ERC2: variants seen among roughly 807,000 people sequenced by gnomAD.
ERC2 encodes ELKS/RAB6-interacting/CAST family member 2, also known as ERC protein 2.
Under a neutral mutation model 114.8 loss-of-function variants are expected in ERC2, and 42 were observed. That is an observed-to-expected ratio of 0.37 (90% CI 0.29 to 0.47). The LOEUF is 0.47. ERC2 is among the 20% of genes least tolerant of loss of function. The pLI, the probability that ERC2 is intolerant of heterozygous loss-of-function variation, is 0.99. For synonymous variants in ERC2, 454 were observed against 425.5 expected (o/e 1.07, Z -0.82); for missense variants, 939 against 1,150.7 (o/e 0.82, Z 2.66).
chr3:56,216,691 AAG>A (rs968622197), intron 3 of ERC2, among the ~76,000 whole-genome samples: 19 of 152,326 alleles, frequency 1.2e-4, no homozygotes, highest in African/African-American at 4.6e-4. Flanking sequence ...ACAACAAAAA[AAG>A]AGAATTTTAG....
intron 13 of ERC2, among the ~76,000 whole-genome samples, chr3:55,944,459 G>GA (rs1277224322): frequency 6.6e-6 from 1 of 152,146 alleles, no homozygotes; most frequent in African/African-American, 2.4e-5. Flanking sequence ...AAATCCACAG[G>GA]AAAAAGCAGA....
At chr3:55,748,347 C>T (rs1451336882) in intron 14 of ERC2, among the ~76,000 whole-genome samples, 1 of 152,130 alleles carries the variant, frequency 6.6e-6, no homozygotes, top group Non-Finnish European at 1.5e-5. Flanking sequence ...ACTCATTCAC[C>T]ACATATTTAC....
intron 3 of ERC2, among the ~76,000 whole-genome samples, chr3:56,194,820 A>G (rs1243080426): frequency 6.6e-6 from 1 of 152,174 alleles, no homozygotes; most frequent in Non-Finnish European, 1.5e-5. Context: ...GGCTTGAAAA[A>G]AACGTGAAAT....
intron 14 of ERC2, among the ~76,000 whole-genome samples, chr3:55,751,001 A>G (rs2066667691): frequency 6.6e-6 from 1 of 152,244 alleles, no homozygotes; most frequent in African/African-American, 2.4e-5. Flanking sequence ...TAGCTTAATT[A>G]GGTTAGCAAG....
At chr3:55,939,311 A>T (rs2066637200) in intron 13 of ERC2, among the ~76,000 whole-genome samples, 1 of 152,248 alleles carries the variant, frequency 6.6e-6, no homozygotes, top group Non-Finnish European at 1.5e-5. Context: ...AGTTATCATC[A>T]GTAAGAATTG....
intron 1 of ERC2, among the ~76,000 whole-genome samples, chr3:56,464,472 C>A (rs1229859560): frequency 6.6e-6 from 1 of 152,312 alleles, no homozygotes; most frequent in East Asian, 1.9e-4. Context: ...AACCTGAAGA[C>A]CCATGAGTGT....
chr3:55,511,386 AC>A (rs1262351641), intron 17 of ERC2, 110 bp from the exon 18 acceptor site: 3 of 152,096 alleles, frequency 2.0e-5, no homozygotes, highest in Non-Finnish European at 4.4e-5. Context: ...CCTCTCCACC[AC>A]TCTCAATGGT....
chr3:56,292,704 G>C (rs528429252), intron 3 of ERC2, among the ~76,000 whole-genome samples: 2 of 152,220 alleles, frequency 1.3e-5, no homozygotes, highest in East Asian at 3.9e-4. Context: ...TTAGCAGTGT[G>C]ACATTGGGTT....
chr3:55,531,897 G>A (rs2053690392), intron 17 of ERC2, among the ~76,000 whole-genome samples: 1 of 152,204 alleles, frequency 6.6e-6, no homozygotes, highest in South Asian at 2.1e-4. Context: ...CATCTCACTT[G>A]CTTGAATGAA....
intron 17 of ERC2, among the ~76,000 whole-genome samples, chr3:55,587,092 G>A (rs1263674722): frequency 2.6e-5 from 4 of 152,126 alleles, no homozygotes; most frequent in Non-Finnish European, 4.4e-5. Context: ...TTAAACAAAT[G>A]TTATCATACT....
chr3:56,058,999 G>A (rs969345070), intron 7 of ERC2, among the ~76,000 whole-genome samples: 2 of 152,156 alleles, frequency 1.3e-5, no homozygotes, highest in Non-Finnish European at 2.9e-5. Flanking sequence ...AAGGGTCAAT[G>A]AGGGGATCAT....
At chr3:56,448,980 C>A (rs2062708306) in intron 1 of ERC2, among the ~76,000 whole-genome samples, 1 of 148,366 alleles carries the variant, frequency 6.7e-6, no homozygotes, top group African/African-American at 2.5e-5. Flanking sequence ...GAGGCTGAGG[C>A]AGGAGAATGG....
intron 13 of ERC2, among the ~76,000 whole-genome samples, chr3:55,938,111 TAGAC>T (rs1220341858): frequency 7.3e-5 from 11 of 150,014 alleles, no homozygotes; most frequent in African/African-American, 2.3e-4. Flanking sequence ...GTCTGTCCAT[TAGAC>T]AGGGCATGAG....
chr3:56,378,322 T>C (rs6801010), intron 2 of ERC2, among the ~76,000 whole-genome samples: 42,336 of 137,330 alleles, frequency 0.31, 6,579 homozygotes, highest in African/African-American at 0.35. Flanking sequence ...ATTGCAAGAA[T>C]AAAAAACCAA....
At chr3:55,814,284 T>C (rs765024396) in intron 14 of ERC2, among the ~76,000 whole-genome samples, 7 of 152,198 alleles carry the variant, frequency 4.6e-5, no homozygotes, top group Non-Finnish European at 7.3e-5. Context: ...TTTTCTCCTT[T>C]TGATTTTCAT....
intron 3 of ERC2, among the ~76,000 whole-genome samples, chr3:56,282,273 A>G (rs1156497304): frequency 6.6e-6 from 1 of 152,238 alleles, no homozygotes; most frequent in African/African-American, 2.4e-5. Flanking sequence ...AAAACAATGC[A>G]GATGAAAAAA....
At chr3:56,096,053 G>A (rs1236611163) in intron 6 of ERC2, among the ~76,000 whole-genome samples, 1 of 152,034 alleles carries the variant, frequency 6.6e-6, no homozygotes, top group Non-Finnish European at 1.5e-5. Context: ...GGTAATAATA[G>A]TACAGATACT....
intron 3 of ERC2, among the ~76,000 whole-genome samples, chr3:56,179,714 G>A (rs1410178573): frequency 6.6e-6 from 1 of 151,904 alleles, no homozygotes; most frequent in African/African-American, 2.4e-5. Context: ...AAATGGAAGT[G>A]GACCACCAAG....
intron 2 of ERC2, among the ~76,000 whole-genome samples, chr3:56,405,313 G>A (rs935747118): frequency 1.3e-5 from 2 of 151,910 alleles, no homozygotes; most frequent in Admixed American, 1.3e-4. Flanking sequence ...GCATGGCGGT[G>A]GGTGCCTATA....
Sources: gnomAD v4.1 joint callset for allele counts (sites outside exome capture counted in the v4.1 genomes callset) on GRCh38, gnomAD v4.1.1 for gene constraint, MANE v1.5 for transcripts, NCBI Gene and HGNC (gene_info 2026-07-23, HGNC 2026-07-21) for gene names.